The following XYLT1 variants were observed in gnomAD, a reference collection of about 807,000 sequenced individuals.
XYLT1 encodes the protein xylosyltransferase 1.
In XYLT1, 36 loss-of-function variants were observed where a neutral mutation model predicts 91.3. The observed-to-expected ratio is 0.39, with a 90% CI of 0.30 to 0.52. The LOEUF (loss-of-function observed/expected upper bound fraction) is 0.52. XYLT1 is among the 20% of genes least tolerant of loss of function. The probability of loss-of-function intolerance (pLI) is 0.68; values close to 1 mark genes in which losing one functional copy is unlikely to be tolerated. For missense variants in XYLT1, 1,242 were observed against 1,284.5 expected (o/e 0.97, Z 0.51); for synonymous variants, 588 against 532.0 (o/e 1.11, Z -1.45).
At chr16:17,338,189 G>A in intron 2 of XYLT1, 2 of 456,192 alleles carry the variant, frequency 4.4e-6, no homozygotes, top group South Asian at 3.1e-5. Flanking sequence ...CTGATTCCTT[G>A]CCTCTAGGCT....
intron 3 of XYLT1, among the ~76,000 whole-genome samples, chr16:17,241,317 C>T (rs1231776701): frequency 2.0e-5 from 3 of 152,192 alleles, no homozygotes; most frequent in Non-Finnish European, 4.4e-5. Flanking sequence ...GAGGTTTAGG[C>T]TGAGAAAGCA....
chr16:17,299,765 G>A (rs915141941), intron 2 of XYLT1, among the ~76,000 whole-genome samples: 1 of 152,182 alleles, frequency 6.6e-6, no homozygotes, highest in Non-Finnish European at 1.5e-5. Context: ...GCCCAGGAAG[G>A]TCTGCAGAAT....
intron 3 of XYLT1, among the ~76,000 whole-genome samples, chr16:17,243,863 T>C (rs1346491962): frequency 6.6e-6 from 1 of 152,128 alleles, no homozygotes; most frequent in African/African-American, 2.4e-5. Context: ...AATGTGTCCA[T>C]ACCAAATGTG....
chr16:17,304,845 T>G (rs2034448543), intron 2 of XYLT1, among the ~76,000 whole-genome samples: 2 of 152,194 alleles, frequency 1.3e-5, no homozygotes, highest in African/African-American at 4.8e-5. Flanking sequence ...TCCCCCAACT[T>G]GGCACAGATG....
intron 3 of XYLT1, among the ~76,000 whole-genome samples, chr16:17,256,379 G>A (rs889742561): frequency 5.9e-5 from 9 of 152,026 alleles, no homozygotes; most frequent in Middle Eastern, 3.2e-3. Context: ...CTCACCAGGC[G>A]CGGTGGCTCA....
At chr16:17,377,609 T>A (rs554825106) in intron 1 of XYLT1, among the ~76,000 whole-genome samples, 1 of 151,702 alleles carries the variant, frequency 6.6e-6, no homozygotes, top group African/African-American at 2.4e-5. Context: ...CTGCCTTCCA[T>A]GGAATGGAAG....
chr16:17,221,159 A>G (rs565143181), intron 3 of XYLT1, among the ~76,000 whole-genome samples: 1 of 151,996 alleles, frequency 6.6e-6, no homozygotes, highest in South Asian at 2.1e-4. Context: ...GGCAGCCATC[A>G]CTCCTTTTCA....
intron 8 of XYLT1, among the ~76,000 whole-genome samples, chr16:17,137,338 G>A (rs1342379213): frequency 6.6e-6 from 1 of 152,168 alleles, no homozygotes; most frequent in Non-Finnish European, 1.5e-5. Flanking sequence ...CAAACAAACA[G>A]CATCCCGCTC....
chr16:17,216,868 T>C (rs996096281), intron 3 of XYLT1, among the ~76,000 whole-genome samples: 3 of 152,192 alleles, frequency 2.0e-5, no homozygotes, highest in African/African-American at 7.2e-5. Context: ...AGTGGTCCTC[T>C]TCGTCAAGCC....
intron 2 of XYLT1, among the ~76,000 whole-genome samples, chr16:17,309,258 C>T (rs1040499098): frequency 7.2e-5 from 11 of 152,130 alleles, no homozygotes; most frequent in African/African-American, 2.4e-4. Flanking sequence ...CAGTAGCATC[C>T]GTCCCCCGTA....
intron 9 of XYLT1, among the ~76,000 whole-genome samples, chr16:17,134,078 G>T (rs1026535164): frequency 1.4e-4 from 21 of 152,200 alleles, no homozygotes; most frequent in African/African-American, 5.1e-4. Flanking sequence ...TGCCGGGGCT[G>T]GGTGACGGGA....
chr16:17,398,687 C>T (rs1159166900), intron 1 of XYLT1, among the ~76,000 whole-genome samples: 7 of 151,870 alleles, frequency 4.6e-5, no homozygotes, highest in Non-Finnish European at 1.0e-4. Context: ...TGTTCCATGC[C>T]CCTCTCCTGG....
intron 5 of XYLT1, among the ~76,000 whole-genome samples, chr16:17,169,544 C>A (rs927152531): frequency 7.9e-5 from 12 of 152,192 alleles, no homozygotes; most frequent in African/African-American, 2.6e-4. Flanking sequence ...ACCAGCCCTT[C>A]CTTCAGACGG....
intron 1 of XYLT1, among the ~76,000 whole-genome samples, chr16:17,417,683 A>C (rs2036196995): frequency 6.6e-6 from 1 of 152,214 alleles, no homozygotes; most frequent in African/African-American, 2.4e-5. Flanking sequence ...AAATTCTTTG[A>C]CATGCCTTTA....
chr16:17,192,868 G>A (rs969382596), intron 5 of XYLT1: 5 of 148,538 alleles, frequency 3.4e-5, no homozygotes, highest in South Asian at 2.1e-4. Flanking sequence ...GCTGGAGCGC[G>A]GTGGTACGAT....
chr16:17,200,737 T>C, intron 3 of XYLT1, 83 bp from the exon 4 acceptor site: 1 of 1,489,162 alleles, frequency 6.7e-7, no homozygotes, highest in East Asian at 2.3e-5. Flanking sequence ...CTGGTGCTTC[T>C]TTTGGGGACT....
chr16:17,342,548 C>T (rs994657667), intron 2 of XYLT1, among the ~76,000 whole-genome samples: 2 of 152,070 alleles, frequency 1.3e-5, no homozygotes, highest in Admixed American at 1.3e-4. Context: ...ATGGTGAAAC[C>T]CCATCTCTAC....
chr16:17,402,441 G>C (rs775123618), intron 1 of XYLT1, among the ~76,000 whole-genome samples: 3 of 152,232 alleles, frequency 2.0e-5, no homozygotes, highest in Non-Finnish European at 4.4e-5. Context: ...GAAAATTGCA[G>C]TTGGGTTGGA....
chr16:17,170,364 T>C (rs1399546766), intron 5 of XYLT1, among the ~76,000 whole-genome samples: 1 of 152,214 alleles, frequency 6.6e-6, no homozygotes, highest in Non-Finnish European at 1.5e-5. Flanking sequence ...GGGTCATCTA[T>C]GTTCCCCAAC....
Sources: allele counts gnomAD v4.1 joint callset (sites outside exome capture counted in the v4.1 genomes callset), GRCh38; gene constraint gnomAD v4.1.1; transcripts MANE v1.5; gene names NCBI Gene and HGNC (gene_info 2026-07-23, HGNC 2026-07-21).